SGPP2: variants seen among roughly 807,000 people sequenced by gnomAD.
SGPP2 encodes the protein sphingosine-1-phosphate phosphatase 2.
SGPP2 carries 30 observed loss-of-function variants against 33.9 expected under a neutral mutation model. The observed-to-expected ratio is 0.89, with a 90% CI of 0.66 to 1.20. The LOEUF is 1.20. SGPP2 is among the 50% of genes most tolerant of loss of function. The probability of loss-of-function intolerance (pLI) is 0.00; values close to 1 mark genes in which losing one functional copy is unlikely to be tolerated. For missense variants in SGPP2, 458 were observed against 532.1 expected (o/e 0.86, Z 1.37); for synonymous variants, 233 against 225.0 (o/e 1.04, Z -0.32).
chr2:222,480,949 C>T (rs1011299136), intron 2 of SGPP2, among the ~76,000 whole-genome samples: 1 of 152,194 alleles, frequency 6.6e-6, no homozygotes, highest in Non-Finnish European at 1.5e-5. Flanking sequence ...TTTGCCAGTA[C>T]ATGGATGGAG....
At chr2:222,470,927 G>C (rs980720350) in intron 1 of SGPP2, among the ~76,000 whole-genome samples, 3 of 152,262 alleles carry the variant, frequency 2.0e-5, no homozygotes, top group South Asian at 2.1e-4. Flanking sequence ...TCATGATTCC[G>C]CTCTAGAGAG....
intron 2 of SGPP2, among the ~76,000 whole-genome samples, chr2:222,503,621 T>A (rs1204508726): frequency 6.6e-6 from 1 of 152,208 alleles, no homozygotes; most frequent in Non-Finnish European, 1.5e-5. Context: ...CTATTTCATG[T>A]GTCTCCATGT....
chr2:222,523,218 G>A (rs1475309132), intron 3 of SGPP2, among the ~76,000 whole-genome samples: 2 of 152,152 alleles, frequency 1.3e-5, no homozygotes, highest in African/African-American at 2.4e-5. Context: ...CATAAGAAAG[G>A]GACAGTTACA....
chr2:222,494,701 A>C (rs543967187), intron 2 of SGPP2, among the ~76,000 whole-genome samples: 1 of 152,354 alleles, frequency 6.6e-6, no homozygotes, highest in Admixed American at 6.5e-5. Context: ...CAAGAGCATA[A>C]ATTAACCTCC....
In SGPP2 at chr2:222,536,006, G is replaced by A. The variant is rs183064904; in HGVS notation, c.648+10973G>A. ...AAGCAGCCACATTTAGGGACAGCAT[G>A]GATTTGAGATCTGACACTACTGCGT... is the stretch of plus-strand genomic sequence containing the variant. On this transcript the variant is annotated intron_variant, in intron 4 of 4. Coordinates refer to ENST00000321276, the MANE Select transcript of SGPP2 (RefSeq NM_152386.4). Among the ~76,000 whole-genome samples the A allele has an allele frequency of 1.7e-3, 254 of 152,334 alleles. 1 individual carries two copies. The highest frequency in any genetic ancestry group is 0.014 in the Admixed American group (217 of 15,306).
intron 1 of SGPP2, among the ~76,000 whole-genome samples, chr2:222,434,627 G>A (rs1352409128): frequency 6.6e-6 from 1 of 152,092 alleles, no homozygotes; most frequent in East Asian, 1.9e-4. Flanking sequence ...TTTGGTAAAT[G>A]CCTTCATAAG....
At chr2:222,533,421 C>T (rs1698867509) in intron 4 of SGPP2, among the ~76,000 whole-genome samples, 1 of 152,176 alleles carries the variant, frequency 6.6e-6, no homozygotes, top group Non-Finnish European at 1.5e-5. Context: ...AGAAATGCAA[C>T]CTGGGAGCCA....
Position 222,524,812 on chromosome 2 carries a change from A to T in SGPP2, c.559-132A>T. Reference sequence around the variant, plus strand: ...TAAAAAAAAGTTTTAAGTTAATCAGATTGCTGGTCTGGGGAATGCAAGATT... The same window carrying T: ...TAAAAAAAAGTTTTAAGTTAATCAGTTTGCTGGTCTGGGGAATGCAAGATT... On this transcript the variant is annotated intron_variant, in intron 3 of 4. Coordinates refer to ENST00000321276, the MANE Select transcript of SGPP2 (RefSeq NM_152386.4). The T allele has an allele frequency of 7.3e-6, 5 of 686,112 alleles. No homozygotes were observed. The Admixed American group carries it at 1.5e-4, about 21-fold the overall frequency. 42.5% of individuals were successfully genotyped at this position (686,112 alleles called of 1,614,324 possible).
intron 2 of SGPP2, among the ~76,000 whole-genome samples, chr2:222,482,536 A>G (rs1182750928): frequency 6.6e-6 from 1 of 151,564 alleles, no homozygotes; most frequent in Non-Finnish European, 1.5e-5. Context: ...AGCTGGAACT[A>G]CAGGCATGTA....
At chr2:222,425,539 G>T (rs1377661939) in intron 1 of SGPP2, among the ~76,000 whole-genome samples, 1 of 152,170 alleles carries the variant, frequency 6.6e-6, no homozygotes, top group Admixed American at 6.5e-5. Flanking sequence ...AACCCACTGC[G>T]GCTTGGGGGG....
At chr2:222,426,331 C>A (rs766096597) in intron 1 of SGPP2, among the ~76,000 whole-genome samples, 12 of 151,944 alleles carry the variant, frequency 7.9e-5, no homozygotes, top group Non-Finnish European at 1.6e-4. Context: ...CACAGGTAGA[C>A]ACGTGAGTTG....
chr2:222,462,144 C>G (rs918008341), intron 1 of SGPP2, among the ~76,000 whole-genome samples: 1 of 152,004 alleles, frequency 6.6e-6, no homozygotes, highest in African/African-American at 2.4e-5. Context: ...CTTGGGTCCT[C>G]AGGAGAATAA....
chr2:222,473,579 A>T (rs1432012469), intron 1 of SGPP2, among the ~76,000 whole-genome samples: 1 of 152,210 alleles, frequency 6.6e-6, no homozygotes, highest in African/African-American at 2.4e-5. Flanking sequence ...TACAGTTAGA[A>T]GAAATAAGTT....
At chr2:222,488,501 C>T (rs1266966739) in intron 2 of SGPP2, among the ~76,000 whole-genome samples, 1 of 152,192 alleles carries the variant, frequency 6.6e-6, no homozygotes, top group Admixed American at 6.5e-5. Flanking sequence ...AAAGCATCTT[C>T]CCTCACCCCT....
chr2:222,459,142 C>CTTTCTTTTTTTTTTTTTT lies in SGPP2; in HGVS notation c.220-15423_220-15422insCTTTTTTTTTTTTTTTTT, dbSNP rs1414316448. Among the ~76,000 whole-genome samples the CTTTCTTTTTTTTTTTTTT allele has an allele frequency of 3.4e-4, 32 of 94,464 alleles. 1 individual carries two copies. Among genetic ancestry groups the CTTTCTTTTTTTTTTTTTT allele is most frequent in the Non-Finnish European group, 5.1e-4 (24 of 46,652 alleles). The allele number at this position is 94,464 out of a possible 152,430, so 62.0% of individuals were successfully genotyped here. ...CTTTTTTTTCTTTCTTTCTTTCTTT[C>CTTTCTTTTTTTTTTTTTT]TTTTTTTTTTTTTTTTTTTTTTGAG... On this transcript the variant is annotated intron_variant, in intron 1 of 4. Transcript: ENST00000321276.
At chr2:222,501,179 C>A (rs1698361048) in intron 2 of SGPP2, among the ~76,000 whole-genome samples, 1 of 152,166 alleles carries the variant, frequency 6.6e-6, no homozygotes, top group African/African-American at 2.4e-5. Context: ...CTTGAGCCTG[C>A]CTCATAAATC....
chr2:222,436,444 G>A (rs1239783023), intron 1 of SGPP2, among the ~76,000 whole-genome samples: 1 of 152,164 alleles, frequency 6.6e-6, no homozygotes, highest in Non-Finnish European at 1.5e-5. Flanking sequence ...GCCTTCTGGA[G>A]AACTTTGCCC....
At chr2:222,446,473 G>A (rs557128245) in intron 1 of SGPP2, among the ~76,000 whole-genome samples, 20 of 152,214 alleles carry the variant, frequency 1.3e-4, no homozygotes, top group Non-Finnish European at 2.2e-4. Flanking sequence ...TGCTATCCGG[G>A]GGAATAGCTT....
At chr2:222,524,066 T>G (rs1698723356) in intron 3 of SGPP2, among the ~76,000 whole-genome samples, 1 of 152,194 alleles carries the variant, frequency 6.6e-6, no homozygotes, top group Admixed American at 6.5e-5. Flanking sequence ...GCTCCTGTTG[T>G]GAGGGTCAAA....
Sources: allele counts gnomAD v4.1 joint callset (sites outside exome capture counted in the v4.1 genomes callset), GRCh38; gene constraint gnomAD v4.1.1; transcripts MANE v1.5; gene names NCBI Gene and HGNC (gene_info 2026-07-23, HGNC 2026-07-21).